The following PTPRT variants were observed in gnomAD, a reference collection of about 807,000 sequenced individuals.
PTPRT encodes the protein receptor-type tyrosine-protein phosphatase T.
A neutral mutation model predicts 176.8 loss-of-function variants in PTPRT; 56 were observed. That is an observed-to-expected ratio of 0.32 (90% confidence interval 0.26 to 0.40). The LOEUF is 0.40. Among genes scored for constraint, PTPRT ranks in the 10% least tolerant of loss-of-function variants. The pLI, the probability that PTPRT is intolerant of heterozygous loss-of-function variation, is 1.00. For synonymous variants in PTPRT, 783 were observed against 739.0 expected, an observed-to-expected ratio of 1.06 and a Z score of -0.96; for missense variants, 1,540 against 1,908.2, an observed-to-expected ratio of 0.81 and a Z score of 3.60.
chr20:42,209,716 G>A (rs1440300035), intron 15 of PTPRT, among the ~76,000 whole-genome samples: 1 of 152,120 alleles, frequency 6.6e-6, no homozygotes, highest in African/African-American at 2.4e-5. Context: ...TCTACCAGAG[G>A]TACAAGGAGG....
At chr20:42,263,370 G>GTTTT (rs1410570774) in intron 13 of PTPRT, among the ~76,000 whole-genome samples, 1 of 116,760 alleles carries the variant, frequency 8.6e-6, no homozygotes, top group African/African-American at 4.6e-5. Context: ...GCCATGCCTG[G>GTTTT]CTTTTTTTTT....
Position 42,366,013 on chromosome 20 carries a change from G to A in PTPRT, c.1561-13728C>T, listed in dbSNP as rs534463066. Among the ~76,000 whole-genome samples, 499 of 152,276 alleles carry A rather than the reference G, an allele frequency of 3.3e-3. 1 individual carries two copies. The highest frequency in any genetic ancestry group is 5.6e-3 in the Non-Finnish European group (378 of 68,020). On this transcript the variant is annotated intron_variant, in intron 9 of 30. Transcript: ENST00000373187. ...ACCTGCAGCCAGTTGCCAGGAAGAC[G>A]TGCTCTCTGCCCATGACTTCCCTCC...
intron 9 of PTPRT, among the ~76,000 whole-genome samples, chr20:42,369,400 GGT>G (rs1487778115): frequency 6.6e-6 from 1 of 152,116 alleles, no homozygotes; most frequent in Non-Finnish European, 1.5e-5. Context: ...TCCAAATCTG[GGT>G]GCATCTGGAG....
chr20:42,279,871 G>A (rs1304634029), intron 13 of PTPRT, among the ~76,000 whole-genome samples: 2 of 152,108 alleles, frequency 1.3e-5, no homozygotes, highest in Non-Finnish European at 2.9e-5. Flanking sequence ...ACCAGACAGC[G>A]GCAAGTTGCT....
intron 6 of PTPRT, among the ~76,000 whole-genome samples, chr20:42,708,904 T>C (rs929326760): frequency 3.9e-5 from 6 of 152,154 alleles, no homozygotes; most frequent in African/African-American, 1.4e-4. Context: ...ACGAGCAGAA[T>C]TACACTGTTA....
chr20:43,119,758 T>C (rs1435042694), intron 1 of PTPRT, among the ~76,000 whole-genome samples: 2 of 152,248 alleles, frequency 1.3e-5, no homozygotes, highest in African/African-American at 2.4e-5. Context: ...GTGATGTGTT[T>C]AATAAATTCT....
At chr20:42,571,423 C>T (rs1424760230) in intron 7 of PTPRT, among the ~76,000 whole-genome samples, 1 of 152,180 alleles carries the variant, frequency 6.6e-6, no homozygotes, top group African/African-American at 2.4e-5. Flanking sequence ...CTAGATACTA[C>T]AGAATGCATC....
At chr20:42,793,394 C>G (rs2425539) in intron 2 of PTPRT, among the ~76,000 whole-genome samples, 1 of 152,122 alleles carries the variant, frequency 6.6e-6, no homozygotes, top group African/African-American at 2.4e-5. Context: ...TCCATGTGTA[C>G]GCATTATTTA....
chr20:42,482,657 C>T (rs2071407254), intron 7 of PTPRT, among the ~76,000 whole-genome samples: 1 of 152,066 alleles, frequency 6.6e-6, no homozygotes. Context: ...GGAGAAAAAT[C>T]AAGGAGGGAA....
At chr20:42,426,778 A>T (rs2059168154) in intron 9 of PTPRT, among the ~76,000 whole-genome samples, 1 of 151,988 alleles carries the variant, frequency 6.6e-6, no homozygotes, top group Non-Finnish European at 1.5e-5. Flanking sequence ...GATGAGTCAC[A>T]CCCCTGTTGT....
intron 2 of PTPRT, among the ~76,000 whole-genome samples, chr20:42,815,916 A>G (rs1392697367): frequency 6.6e-6 from 1 of 152,238 alleles, no homozygotes; most frequent in Non-Finnish European, 1.5e-5. Flanking sequence ...TTCTTGGGAA[A>G]TTATATGAGA....
intron 13 of PTPRT, among the ~76,000 whole-genome samples, chr20:42,259,478 A>G (rs1022226658): frequency 6.6e-5 from 10 of 152,338 alleles, no homozygotes; most frequent in Admixed American, 6.5e-4. Context: ...ATACCTCCCA[A>G]TGACCTCAAC....
intron 1 of PTPRT, among the ~76,000 whole-genome samples, chr20:43,102,497 G>C (rs1382419749): frequency 6.6e-6 from 1 of 152,184 alleles, no homozygotes; most frequent in Non-Finnish European, 1.5e-5. Flanking sequence ...AAGTCAGAGA[G>C]AGAGAACAGA....
At chr20:42,327,547 A>T (rs960454079) in intron 11 of PTPRT, among the ~76,000 whole-genome samples, 1 of 152,130 alleles carries the variant, frequency 6.6e-6, no homozygotes, top group South Asian at 2.1e-4. Flanking sequence ...TTGAAGCGTC[A>T]TGGTCACTAC....
intron 9 of PTPRT, among the ~76,000 whole-genome samples, chr20:42,415,116 T>C (rs1417955272): frequency 2.0e-5 from 3 of 152,170 alleles, no homozygotes; most frequent in Admixed American, 1.3e-4. Context: ...TGGTTGGGCA[T>C]TAGGTTCAAA....
chr20:43,092,744 G>T (rs1401499181), intron 1 of PTPRT, among the ~76,000 whole-genome samples: 1 of 152,110 alleles, frequency 6.6e-6, no homozygotes, highest in Admixed American at 6.6e-5. Flanking sequence ...ACAGATAACA[G>T]TTGTTCCATT....
At chr20:43,029,940 C>T (rs530619563) in intron 1 of PTPRT, among the ~76,000 whole-genome samples, 1 of 152,204 alleles carries the variant, frequency 6.6e-6, no homozygotes, top group Non-Finnish European at 1.5e-5. Flanking sequence ...AGATTAGAGG[C>T]CATGTAAGGT....
intron 1 of PTPRT, among the ~76,000 whole-genome samples, chr20:43,055,648 C>T (rs1987204512): frequency 6.6e-6 from 1 of 152,196 alleles, no homozygotes; most frequent in Admixed American, 6.5e-5. Context: ...TATTTGTTTT[C>T]TTCCTAGCAT....
chr20:43,010,803 T>G (rs1399764759), intron 1 of PTPRT, among the ~76,000 whole-genome samples: 1 of 152,098 alleles, frequency 6.6e-6, no homozygotes, highest in East Asian at 1.9e-4. Flanking sequence ...AGCAGGTTCT[T>G]CACGTATCAA....
Sources: allele counts gnomAD v4.1 joint callset (sites outside exome capture counted in the v4.1 genomes callset), GRCh38; gene constraint gnomAD v4.1.1; transcripts MANE v1.5; gene names NCBI Gene and HGNC (gene_info 2026-07-23, HGNC 2026-07-21).